Variants in ANKRD11 observed in about 807,000 individuals in gnomAD.
ANKRD11 encodes ankyrin repeat domain-containing protein 11.
ANKRD11 carries 17 observed loss-of-function variants against 195.7 expected under a neutral mutation model. The observed-to-expected ratio is 0.09, with a 90% CI of 0.06 to 0.13. ANKRD11 has a LOEUF of 0.13. Among genes scored for constraint, ANKRD11 ranks in the 10% least tolerant of loss-of-function variants. ANKRD11 has a pLI of 1.00. For missense variants in ANKRD11, 3,735 were observed against 3,566.1 expected (o/e 1.05, Z -1.21); for synonymous variants, 1,953 against 1,528.1 (o/e 1.28, Z -6.49).
rs778524990 is a variant in ANKRD11, at chr16:89,280,090, C to G, written c.6452G>C (p.Gly2151Ala). 2.5e-6 allele frequency: 4 copies of G among 1,613,042 alleles called. No individual in the cohort carries two copies. Among genetic ancestry groups the G allele is most frequent in the African/African-American group, 2.7e-5 (2 of 74,930 alleles). The change falls in exon 9 of 13, where the codon GGT becomes GCT. Residue 2151 changes from glycine (G) to alanine (A), a missense_variant. Gly to Ala is a moderately conservative substitution (Grantham distance 60). Coordinates refer to ENST00000301030, the MANE Select transcript of ANKRD11 (RefSeq NM_013275.6). The part of the protein sequence containing the change: ...LPLQTKDAAD[G>A]EAEPVEESLA... ...ACTTTCTTCCACGGGTTCCGCTTCA[C>G]CATCTGCGGCATCTTTAGTCTGCAG...
intron 2 of ANKRD11, among the ~76,000 whole-genome samples, chr16:89,327,571 A>G (rs1324887559): frequency 6.6e-6 from 1 of 152,238 alleles, no homozygotes; most frequent in African/African-American, 2.4e-5. Flanking sequence ...TATTTCTGCA[A>G]TAATCCTATG....
intron 2 of ANKRD11, among the ~76,000 whole-genome samples, chr16:89,406,729 T>G (rs2041922910): frequency 6.6e-6 from 1 of 152,080 alleles, no homozygotes; most frequent in Non-Finnish European, 1.5e-5. Flanking sequence ...CCTCAGTGCC[T>G]CCTTCACGCT....
intron 11 of ANKRD11, chr16:89,273,157 G>A (rs1221209563): frequency 1.3e-5 from 2 of 151,832 alleles, no homozygotes; most frequent in Non-Finnish European, 2.9e-5. Context: ...ACATATAAGA[G>A]CGTTAACTGG....
Position 89,283,964 on chromosome 16 carries a change from A to G in ANKRD11, c.2578T>C (p.Ser860Pro). The change falls in exon 9 of 13, where the codon TCG (serine) becomes CCG (proline). Residue 860 changes from serine to proline, a missense_variant. Coordinates refer to ENST00000301030, the MANE Select transcript of ANKRD11 (RefSeq NM_013275.6). The surrounding 1 kb of genome is among the most constrained non-coding windows in gnomAD (Gnocchi z 4.3). ...ATGTCCCTGTAGTCTGTCACTGGCG[A>G]GTCCCAGCTGTCCTCCCCTTTGAAA... ...FDFKGEDSWD[S>P]PVTDYRDMKS... 6.2e-7 allele frequency: 1 copy of G among 1,614,150 alleles called. No homozygotes were observed. The highest frequency in any genetic ancestry group is 8.5e-7 in the Non-Finnish European group (1 of 1,180,042).
chr16:89,423,454 T>G (rs2042595355), intron 1 of ANKRD11, among the ~76,000 whole-genome samples: 1 of 152,236 alleles, frequency 6.6e-6, no homozygotes, highest in South Asian at 2.1e-4. Flanking sequence ...TACAGGAGCA[T>G]ACGGATGGGT....
chr16:89,363,678 C>T (rs1230252181), intron 2 of ANKRD11, among the ~76,000 whole-genome samples: 2 of 152,156 alleles, frequency 1.3e-5, no homozygotes, highest in Non-Finnish European at 2.9e-5. Flanking sequence ...CGCTGCTTCC[C>T]GTGTATGTGG....
intron 1 of ANKRD11, among the ~76,000 whole-genome samples, chr16:89,483,238 C>A (rs2057500698): frequency 1.3e-5 from 2 of 152,214 alleles, no homozygotes; most frequent in South Asian, 2.1e-4. Context: ...CTCCTCAACT[C>A]TCTAAAACTT....
chr16:89,278,476 G>A, intron 9 of ANKRD11: 2 of 454,498 alleles, frequency 4.4e-6, no homozygotes, highest in South Asian at 1.6e-5. Context: ...ATTCCGAGAT[G>A]TTTCACCTGA....
chr16:89,381,452 G>A (rs551610811), intron 2 of ANKRD11, among the ~76,000 whole-genome samples: 5 of 151,700 alleles, frequency 3.3e-5, no homozygotes, highest in African/African-American at 1.2e-4. Flanking sequence ...ATTGTATAAG[G>A]AGCAAGAGCT....
rs139870106 is a variant in ANKRD11, at chr16:89,334,832, C to G, written c.-59-17754G>C. ...ATGAGTCCAGGTGGCCCACAACACA[C>G]GGGGCGCACGTGTCCATAGACAGCA... On this transcript the variant is annotated intron_variant, in intron 2 of 12. Transcript: ENST00000301030. Among the ~76,000 whole-genome samples the G allele has an allele frequency of 3.5e-3, 535 of 152,246 alleles. 3 individuals are homozygous for G. Among genetic ancestry groups the G allele is most frequent in the Middle Eastern group, 6.8e-3 (2 of 294 alleles).
Position 89,316,735 on chromosome 16 carries a change from C to T in ANKRD11, c.87+198G>A, listed in dbSNP as rs144931799. On this transcript the variant is annotated intron_variant, in intron 3 of 12. Transcript: ENST00000301030. ...TTATTTAACGCTTGACTTCGGTCCC[C>T]AAATAACAAATACAAAAAAAGCAAG... 0.01 allele frequency among the ~76,000 whole-genome samples: 1,576 copies of T among 152,296 alleles called. 23 individuals are homozygous for T. Among genetic ancestry groups the T allele is most frequent in the African/African-American group, 0.035 (1,458 of 41,538 alleles).
At chr16:89,321,567 T>C (rs545927217) in intron 2 of ANKRD11, among the ~76,000 whole-genome samples, 1 of 152,246 alleles carries the variant, frequency 6.6e-6, no homozygotes, top group South Asian at 2.1e-4. Flanking sequence ...CCGTGGACCA[T>C]GGAGACTCAC....
intron 3 of ANKRD11, among the ~76,000 whole-genome samples, chr16:89,315,031 G>A (rs1341702400): frequency 2.0e-5 from 3 of 152,162 alleles, no homozygotes; most frequent in Non-Finnish European, 4.4e-5. Context: ...CTGAGGTCCT[G>A]GGACCCCCAC....
intron 2 of ANKRD11, chr16:89,360,887 A>T: frequency 6.6e-6 from 1 of 152,398 alleles, no homozygotes. Context: ...AAGACCTGCA[A>T]ACCTCAACAG....
chr16:89,271,307 G>C (rs2033134351), intron 11 of ANKRD11: 2 of 308,570 alleles, frequency 6.5e-6, no homozygotes, highest in Non-Finnish European at 1.3e-5. Context: ...GCGCGATCCT[G>C]GCTCACCGCA....
chr16:89,334,144 T>TAAAAAAAAAAAAAAAAAAAA lies in ANKRD11; in HGVS notation c.-59-17086_-59-17067dup, dbSNP rs869142504. Among the ~76,000 whole-genome samples the TAAAAAAAAAAAAAAAAAAAA allele has an allele frequency of 1.2e-4, 5 of 41,416 alleles. 1 individual carries two copies. Among genetic ancestry groups the TAAAAAAAAAAAAAAAAAAAA allele is most frequent in the African/African-American group, 4.8e-4 (5 of 10,448 alleles). 27.2% of individuals were successfully genotyped at this position (41,416 alleles called of 152,430 possible). On this transcript the variant is annotated intron_variant, in intron 2 of 12. Coordinates refer to ENST00000301030, the MANE Select transcript of ANKRD11 (RefSeq NM_013275.6). Reference sequence around the variant, plus strand: ...GGTAACATGATGAAACCCTGTGTTTTAAAAAAAAAAAAAAAAAAAAAAAAA... The same window carrying TAAAAAAAAAAAAAAAAAAAA: ...GGTAACATGATGAAACCCTGTGTTTTAAAAAAAAAAAAAAAAAAAAAAAAAAAAAAAAAAAAAAAAAAAAA...
chr16:89,404,387 C>T (rs1183137139), intron 2 of ANKRD11, among the ~76,000 whole-genome samples: 1 of 152,192 alleles, frequency 6.6e-6, no homozygotes, highest in East Asian at 1.9e-4. Context: ...ATTGCCTTCA[C>T]TGAAAACACT....
chr16:89,469,947 T>A (rs895076356), intron 1 of ANKRD11, among the ~76,000 whole-genome samples: 3 of 151,174 alleles, frequency 2.0e-5, no homozygotes, highest in Admixed American at 2.0e-4. Context: ...ACTCTGTCGC[T>A]CAGGCTGGAG....
chr16:89,323,922 T>C (rs1474239253), intron 2 of ANKRD11: 1 of 212,388 alleles, frequency 4.7e-6, no homozygotes, highest in Non-Finnish European at 9.5e-6. Context: ...CATCGCGAGG[T>C]AGAATCTCTT....
Sources: allele counts gnomAD v4.1 joint callset (sites outside exome capture counted in the v4.1 genomes callset), GRCh38; gene constraint gnomAD v4.1.1; non-coding constraint Gnocchi (gnomAD v3.1); transcripts MANE v1.5; gene names NCBI Gene and HGNC (gene_info 2026-07-23, HGNC 2026-07-21).